ARHGAP28: variants seen among roughly 807,000 people sequenced by gnomAD.
ARHGAP28 encodes the protein Rho GTPase activating protein 28.
ARHGAP28 carries 56 observed loss-of-function variants against 90.7 expected under a neutral mutation model. That is an observed-to-expected ratio of 0.62 (90% CI 0.50 to 0.77). The LOEUF (loss-of-function observed/expected upper bound fraction) is 0.77, where lower values mean the gene tolerates loss of function less well. Among genes scored for constraint, ARHGAP28 ranks in the 30% least tolerant of loss-of-function variants. The pLI is 0.00. For missense variants in ARHGAP28, 869 were observed against 900.9 expected (o/e 0.96, Z 0.45); for synonymous variants, 308 against 323.3 (o/e 0.95, Z 0.51).
chr18:6,864,325 AAGTGC>A (rs2057021636), intron 5 of ARHGAP28, among the ~76,000 whole-genome samples: 1 of 152,126 alleles, frequency 6.6e-6, no homozygotes, highest in African/African-American at 2.4e-5. Flanking sequence ...CGGCCTCCCA[AAGTGC>A]TGGGATTACA....
chr18:6,803,806 TCTCA>T (rs2056499470), intron 1 of ARHGAP28, among the ~76,000 whole-genome samples: 1 of 152,058 alleles, frequency 6.6e-6, no homozygotes, highest in East Asian at 1.9e-4. Flanking sequence ...TGAGACAGAG[TCTCA>T]CTCTGTCGCC....
chr18:6,873,959 G>C (rs2057111066), intron 9 of ARHGAP28, among the ~76,000 whole-genome samples, 184 bp downstream of exon 9: 1 of 152,254 alleles, frequency 6.6e-6, no homozygotes, highest in Non-Finnish European at 1.5e-5. Context: ...GCCTGGGCCA[G>C]TTGGCCTTGC....
chr18:6,768,692 T>C (rs2056219348), intron 1 of ARHGAP28, among the ~76,000 whole-genome samples: 1 of 152,204 alleles, frequency 6.6e-6, no homozygotes. Flanking sequence ...GCTCTTTGTC[T>C]CTATAACTTC....
At chr18:6,854,059 T>C (rs996047662) in intron 4 of ARHGAP28, among the ~76,000 whole-genome samples, 1 of 151,706 alleles carries the variant, frequency 6.6e-6, no homozygotes, top group Non-Finnish European at 1.5e-5. Context: ...AAAAAACAGC[T>C]CACCACTTAG....
chr18:6,731,526 G>A (rs73380715), intron 1 of ARHGAP28, among the ~76,000 whole-genome samples: 1,894 of 152,224 alleles, frequency 0.012, 36 homozygotes, highest in African/African-American at 0.043. Context: ...GAGAGCAAGC[G>A]TTACGTGTCA....
intron 3 of ARHGAP28, among the ~76,000 whole-genome samples, chr18:6,839,536 A>G (rs1347809476): frequency 6.6e-6 from 1 of 152,104 alleles, no homozygotes; most frequent in Non-Finnish European, 1.5e-5. Flanking sequence ...TGACCTCGTG[A>G]TCCGCCTGCC....
At chr18:6,742,783 G>A (rs2055990684) in intron 1 of ARHGAP28, among the ~76,000 whole-genome samples, 1 of 152,182 alleles carries the variant, frequency 6.6e-6, no homozygotes, top group Non-Finnish European at 1.5e-5. Flanking sequence ...GTGGAACAAG[G>A]ATGGAAACTT....
At chr18:6,744,141 C>CG (rs1456424555) in intron 1 of ARHGAP28, among the ~76,000 whole-genome samples, 2 of 151,984 alleles carry the variant, frequency 1.3e-5, no homozygotes, top group Non-Finnish European at 2.9e-5. Context: ...TTGGAGGAGT[C>CG]GATAGCTCAA....
At chr18:6,743,268 G>A (rs1386953602) in intron 1 of ARHGAP28, among the ~76,000 whole-genome samples, 2 of 152,126 alleles carry the variant, frequency 1.3e-5, no homozygotes, top group Non-Finnish European at 2.9e-5. Flanking sequence ...TTGATAATAC[G>A]TTTTTGCTTA....
At chr18:6,867,638 A>G (rs544658583) in intron 5 of ARHGAP28, among the ~76,000 whole-genome samples, 98 of 152,304 alleles carry the variant, frequency 6.4e-4, no homozygotes, top group Non-Finnish European at 1.1e-3. Flanking sequence ...ATTAGAAAAG[A>G]TACCTAATAT....
chr18:6,853,559 G>A (rs969352591), intron 4 of ARHGAP28, among the ~76,000 whole-genome samples: 3 of 150,546 alleles, frequency 2.0e-5, no homozygotes, highest in African/African-American at 4.9e-5. Flanking sequence ...TGCAACCTCC[G>A]CCTCCTGAGT....
chr18:6,841,208 C>CTCTCTCCTCTCTCTCT (rs1555631529), intron 3 of ARHGAP28, among the ~76,000 whole-genome samples: 1 of 43,136 alleles, frequency 2.3e-5, no homozygotes, highest in Non-Finnish European at 4.5e-5. Context: ...TCTCTCCTCT[C>CTCTCTCCTCTCTCTCT]CTCTCTCTCT....
At chr18:6,751,442 A>G (rs978461361) in intron 1 of ARHGAP28, among the ~76,000 whole-genome samples, 7 of 152,156 alleles carry the variant, frequency 4.6e-5, no homozygotes, top group African/African-American at 1.4e-4. Flanking sequence ...TCTTGGAGGT[A>G]TTAATAATTT....
chr18:6,886,499 C>T (rs543234399), intron 11 of ARHGAP28, among the ~76,000 whole-genome samples: 55 of 152,256 alleles, frequency 3.6e-4, no homozygotes, highest in East Asian at 7.7e-4. Context: ...TCATCACCTT[C>T]CCTAAGTGTC....
intron 2 of ARHGAP28, among the ~76,000 whole-genome samples, chr18:6,829,668 A>G (rs1452092437): frequency 2.6e-5 from 4 of 152,174 alleles, no homozygotes; most frequent in Admixed American, 1.3e-4. Flanking sequence ...ATGCCTCCCA[A>G]TGACTTGCCA....
chr18:6,788,003 G>A (rs1484713934), intron 1 of ARHGAP28, among the ~76,000 whole-genome samples: 2 of 152,176 alleles, frequency 1.3e-5, no homozygotes, highest in Admixed American at 1.3e-4. Flanking sequence ...GTTGGCTTCA[G>A]TTTCTCCTGG....
At chr18:6,826,682 G>GA in intron 2 of ARHGAP28, among the ~76,000 whole-genome samples, 1 of 82,550 alleles carries the variant, frequency 1.2e-5, no homozygotes, top group African/African-American at 4.0e-5. Context: ...AGGATTTTGA[G>GA]CTTTTTTTTT....
chr18:6,822,278 G>GA (rs147692379), intron 1 of ARHGAP28, among the ~76,000 whole-genome samples: 3,523 of 151,974 alleles, frequency 0.023, 148 homozygotes, highest in African/African-American at 0.081. Context: ...GGAATTAGCC[G>GA]AAAAAACCTA....
intron 1 of ARHGAP28, among the ~76,000 whole-genome samples, chr18:6,806,285 T>C (rs995464955): frequency 1.3e-5 from 2 of 152,288 alleles, no homozygotes; most frequent in Middle Eastern, 6.8e-3. Flanking sequence ...TGTTGTGTTA[T>C]TTTAGTGATT....
Sources: gnomAD v4.1 joint callset for allele counts (sites outside exome capture counted in the v4.1 genomes callset) on GRCh38, gnomAD v4.1.1 for gene constraint, MANE v1.5 for transcripts, NCBI Gene and HGNC (gene_info 2026-07-23, HGNC 2026-07-21) for gene names.